The following ELP4 variants were observed in gnomAD, a reference collection of about 807,000 sequenced individuals.
The protein encoded by ELP4 is elongator acetyltransferase complex subunit 4, also known as elongator complex protein 4.
ELP4 carries 51 observed loss-of-function variants against 48.9 expected under a neutral mutation model. The observed-to-expected ratio is 1.04, with a 90% CI of 0.83 to 1.32. The LOEUF (loss-of-function observed/expected upper bound fraction) is 1.32, where lower values mean the gene tolerates loss of function less well. ELP4 is among the 40% of genes most tolerant of loss of function. ELP4 has a pLI of 0.00. For missense variants in ELP4, 519 were observed against 514.6 expected, an observed-to-expected ratio of 1.01 and a Z score of -0.08; for synonymous variants, 210 against 189.2, an observed-to-expected ratio of 1.11 and a Z score of -0.90.
chr11:31,591,077 C>T (rs973461268), intron 3 of ELP4, among the ~76,000 whole-genome samples: 1 of 151,956 alleles, frequency 6.6e-6, no homozygotes, highest in Non-Finnish European at 1.5e-5. Context: ...ATAAAGTAGT[C>T]TCACAACTCA....
Position 31,627,125 on chromosome 11 carries a change from C to T in ELP4, c.669C>T (p.Gly223=). 3.7e-6 allele frequency: 6 copies of T among 1,607,220 alleles called. No individual in the cohort carries two copies. Among genetic ancestry groups the T allele is most frequent in the Non-Finnish European group, 5.1e-6 (6 of 1,175,616 alleles). The change falls in exon 6 of 10, where the codon GGC becomes GGT. Residue 223 remains glycine, a synonymous_variant. Transcript: ENST00000640961. ...TTACCAACAGTTCTTTGACCCCTGG[C>T]TACACAAAGCTGCTTCAGTTTATCC... ...LKVEPCSLTP[G]YTKLLQFIQN...
intron 5 of ELP4, among the ~76,000 whole-genome samples, chr11:31,610,550 C>G (rs2134011962): frequency 6.6e-6 from 1 of 152,238 alleles, no homozygotes; most frequent in South Asian, 2.1e-4. Flanking sequence ...ATTGTTCCCA[C>G]CTTTATGTTC....
At chr11:31,734,624 A>G (rs963690483) in intron 9 of ELP4, among the ~76,000 whole-genome samples, 5 of 152,234 alleles carry the variant, frequency 3.3e-5, no homozygotes, top group Non-Finnish European at 7.3e-5. Context: ...AGGCATAAAC[A>G]TGAATAAAAT....
chr11:31,687,840 T>G (rs1166616487), intron 9 of ELP4: 2 of 152,232 alleles, frequency 1.3e-5, no homozygotes, highest in African/African-American at 4.8e-5. Context: ...CTATAATACT[T>G]TAGTTAATGG....
intron 3 of ELP4, among the ~76,000 whole-genome samples, chr11:31,556,687 G>C (rs1028965382): frequency 6.6e-6 from 1 of 151,840 alleles, no homozygotes; most frequent in African/African-American, 2.4e-5. Context: ...CCTGCAGGAA[G>C]AAGTATCTAA....
At chr11:31,706,099 G>A (rs4922878) in intron 9 of ELP4, among the ~76,000 whole-genome samples, 96,492 of 151,888 alleles carry the variant, frequency 0.64, 33,096 homozygotes, top group Non-Finnish European at 0.76. Flanking sequence ...TTGCATTTTT[G>A]TATGTTGTAT....
chr11:31,676,799 A>T (rs1369332740), intron 9 of ELP4, among the ~76,000 whole-genome samples: 1 of 152,226 alleles, frequency 6.6e-6, no homozygotes, highest in Non-Finnish European at 1.5e-5. Context: ...TGAATGGCTA[A>T]GTTCCAATTC....
chr11:31,704,601 C>T (rs1420636321), intron 9 of ELP4, among the ~76,000 whole-genome samples: 3 of 151,470 alleles, frequency 2.0e-5, no homozygotes, highest in African/African-American at 4.9e-5. Context: ...CAAACCTGCA[C>T]GTTGTGCACA....
At chr11:31,580,199 T>C (rs1382565077) in intron 3 of ELP4, among the ~76,000 whole-genome samples, 4 of 152,204 alleles carry the variant, frequency 2.6e-5, no homozygotes, top group Non-Finnish European at 5.9e-5. Context: ...GAACTATCTT[T>C]GCCCCAAACA....
intron 2 of ELP4, among the ~76,000 whole-genome samples, chr11:31,526,066 G>A (rs1435401508): frequency 1.3e-5 from 2 of 151,884 alleles, no homozygotes; most frequent in African/African-American, 4.8e-5. Context: ...AACATTTATT[G>A]AGGATGTACT....
At chr11:31,538,935 G>A (rs1464311923) in intron 2 of ELP4, among the ~76,000 whole-genome samples, 1 of 152,038 alleles carries the variant, frequency 6.6e-6, no homozygotes, top group East Asian at 1.9e-4. Context: ...GTGTAGTTTT[G>A]TAAAACTCTT....
Position 31,716,418 on chromosome 11 carries a change from T to C in ELP4, c.1143+66197T>C, listed in dbSNP as rs897809996. The stretch of plus-strand genomic sequence containing the variant: ...TTTACATTCTGTCTCTTTACTAATT[T>C]GTCTATGCCTCAGTTTTCTCATTTG... On this transcript the variant is annotated intron_variant, in intron 9 of 9. Transcript: ENST00000640961. 2.0e-5 allele frequency among the ~76,000 whole-genome samples: 3 copies of C among 152,354 alleles called. No individual in the cohort carries two copies. The East Asian group carries it at 5.8e-4, about 29-fold the overall frequency.
rs1158763323 is a variant in ELP4 at position 31,789,842 on chromosome 11, C to T, written c.*6318C>T. ...TGAAGCGGCTCTAACAGCCATTTTTCTTTCTTTCCTGAAAGCTCAACTGTT... is the reference window on the plus strand; with the variant it reads ...TGAAGCGGCTCTAACAGCCATTTTTTTTTCTTTCCTGAAAGCTCAACTGTT... On this transcript the variant is annotated 3_prime_UTR_variant, in exon 10 of 10. Coordinates refer to ENST00000640961, the MANE Select transcript of ELP4 (RefSeq NM_019040.5). 1 of 1,204,274 alleles carries T rather than the reference C, an allele frequency of 8.3e-7. No homozygotes were observed. Among genetic ancestry groups the T allele is most frequent in the East Asian group, 2.5e-5 (1 of 39,228 alleles). The allele number at this position is 1,204,274 out of a possible 1,614,324, so 74.6% of individuals were successfully genotyped here.
intron 3 of ELP4, among the ~76,000 whole-genome samples, chr11:31,551,745 A>G (rs947603045): frequency 6.6e-6 from 1 of 152,184 alleles, no homozygotes; most frequent in East Asian, 1.9e-4. Context: ...ATGGAATTTC[A>G]GTTAGTAAAT....
At chr11:31,669,519 C>T (rs1286008089) in intron 9 of ELP4, among the ~76,000 whole-genome samples, 2 of 152,174 alleles carry the variant, frequency 1.3e-5, no homozygotes, top group Non-Finnish European at 2.9e-5. Context: ...AGATAGCCTA[C>T]CTCTGTGCTC....
Position 31,555,071 on chromosome 11 carries a change from A to G in ELP4, c.381+15288A>G, listed in dbSNP as rs886917593. ...TAGTCAAAGCGCCTGTATGCTAAATAATCTACAAAGTTAACATTTCCCTAA... is the reference window on the plus strand; with the variant it reads ...TAGTCAAAGCGCCTGTATGCTAAATGATCTACAAAGTTAACATTTCCCTAA... On this transcript the variant is annotated intron_variant, in intron 3 of 9. Coordinates refer to ENST00000640961, the MANE Select transcript of ELP4 (RefSeq NM_019040.5). Among the ~76,000 whole-genome samples, 7 of 152,302 alleles carry G rather than the reference A, an allele frequency of 4.6e-5. No homozygotes were observed. The East Asian group carries it at 1.3e-3, about 29-fold the overall frequency.
chr11:31,727,157 T>G (rs895259952), intron 9 of ELP4, among the ~76,000 whole-genome samples: 27 of 148,928 alleles, frequency 1.8e-4, no homozygotes, highest in African/African-American at 6.6e-4. Flanking sequence ...TTTTTACAGT[T>G]TTTTTTTTTT....
At chr11:31,770,456 A>T (rs1346584904) in intron 9 of ELP4, among the ~76,000 whole-genome samples, 2 of 151,854 alleles carry the variant, frequency 1.3e-5, no homozygotes, top group Admixed American at 1.3e-4. Context: ...CAGTGTTTTT[A>T]CTATCCAAGT....
At chr11:31,656,794 A>G (rs1592196619) in intron 9 of ELP4, among the ~76,000 whole-genome samples, 2 of 152,000 alleles carry the variant, frequency 1.3e-5, no homozygotes, top group African/African-American at 4.8e-5. Flanking sequence ...CCTTCTTCCT[A>G]AGTTTTGCAG....
Sources: gnomAD v4.1 joint callset for allele counts (sites outside exome capture counted in the v4.1 genomes callset) on GRCh38, gnomAD v4.1.1 for gene constraint, MANE v1.5 for transcripts, NCBI Gene and HGNC (gene_info 2026-07-23, HGNC 2026-07-21) for gene names.